The following PARP15 variants were observed in gnomAD, a reference collection of about 807,000 sequenced individuals.
PARP15 encodes protein mono-ADP-ribosyltransferase PARP15.
A neutral mutation model predicts 62.1 loss-of-function variants in PARP15; 50 were observed. The ratio of observed to expected loss-of-function variants is 0.81; its 90% CI spans 0.64 to 1.02. The LOEUF is 1.02. PARP15 is among the 50% of genes least tolerant of loss of function. The pLI is 0.00. For synonymous variants in PARP15, 309 were observed against 293.1 expected (o/e 1.05, Z -0.55); for missense variants, 820 against 826.5 (o/e 0.99, Z 0.10).
chr3:122,584,965 T>C (rs1379126561), intron 1 of PARP15, among the ~76,000 whole-genome samples: 2 of 152,300 alleles, frequency 1.3e-5, no homozygotes, highest in African/African-American at 4.8e-5. Context: ...ATCATGTTGG[T>C]TTTTTTCCTT....
rs748454748 is a variant in PARP15, at chr3:122,632,067, C to T, written c.1439-19C>T. The T allele has an allele frequency of 3.9e-5, 63 of 1,613,862 alleles. 1 individual carries two copies. In the South Asian group the frequency reaches 5.3e-4, roughly 14 times the overall value. On this transcript the variant is annotated intron_variant, in intron 9 of 11. Transcript: ENST00000464300. ...TTTGGAAATGAATGTTGTGTTTTGACCAAATGCTGACTTTCCAGGTAATCT... is the reference window on the plus strand; with the variant it reads ...TTTGGAAATGAATGTTGTGTTTTGATCAAATGCTGACTTTCCAGGTAATCT...
At position 122,626,987 on chromosome 3, in the gene PARP15, C is replaced by A; in HGVS notation, c.1392C>A (p.Asp464Glu). ...TCTACGACAGCATGAAAAAAAGAGACCTCTCTGCATCACTGAACTTTCAGT... is the reference window on the plus strand; with the variant it reads ...TCTACGACAGCATGAAAAAAAGAGAACTCTCTGCATCACTGAACTTTCAGT... ...NIFYDSMKKR[D>E]LSASLNFQST... The change falls in exon 9 of 12, where the codon GAC becomes GAA. Residue 464 changes from aspartate to glutamate, a missense_variant. Around this residue, in one of 3 missense-constraint regions of PARP15, gnomAD observed 731 missense variants for 727.7 expected, o/e 1.00. Coordinates refer to ENST00000464300, the MANE Select transcript of PARP15 (RefSeq NM_001113523.3). 6.2e-7 allele frequency: 1 copy of A among 1,613,950 alleles called. No homozygotes were observed. The highest frequency in any genetic ancestry group is 8.5e-7 in the Non-Finnish European group (1 of 1,179,944).
chr3:122,598,207 C>T (rs1345832600), intron 1 of PARP15, among the ~76,000 whole-genome samples: 1 of 152,186 alleles, frequency 6.6e-6, no homozygotes, highest in African/African-American at 2.4e-5. Context: ...TCAAGCCATC[C>T]TATATAAGCA....
At chr3:122,621,715 A>C in intron 8 of PARP15, 104 bp downstream of exon 8, 3 of 1,092,180 alleles carry the variant, frequency 2.7e-6, no homozygotes, top group Non-Finnish European at 3.7e-6. Flanking sequence ...GAAAGTGGGA[A>C]CAATGATGTA....
At chr3:122,614,473 A>T (rs1935804084) in intron 4 of PARP15, among the ~76,000 whole-genome samples, 1 of 152,212 alleles carries the variant, frequency 6.6e-6, no homozygotes, top group Non-Finnish European at 1.5e-5. Context: ...TTTGTAAGCA[A>T]ATTTATCCAT....
At chr3:122,605,376 A>G (rs1935091009) in intron 1 of PARP15, among the ~76,000 whole-genome samples, 1 of 152,194 alleles carries the variant, frequency 6.6e-6, no homozygotes, top group South Asian at 2.1e-4. Flanking sequence ...AGGGTTGGCT[A>G]TGCTAGGATT....
chr3:122,589,871 T>C (rs764106743), intron 1 of PARP15, among the ~76,000 whole-genome samples: 1 of 150,752 alleles, frequency 6.6e-6, no homozygotes, highest in Non-Finnish European at 1.5e-5. Context: ...ACAAAATGTA[T>C]TATTTGTAAG....
intron 1 of PARP15, among the ~76,000 whole-genome samples, chr3:122,592,851 C>A (rs1160047421): frequency 6.6e-6 from 1 of 152,038 alleles, no homozygotes; most frequent in African/African-American, 2.4e-5. Context: ...CCCAGGCAAC[C>A]CTTGCTTTTA....
In PARP15 at chr3:122,610,494, G is replaced by A; in HGVS notation, c.307G>A (p.Ala103Thr). 8 of 1,550,336 alleles carry A rather than the reference G, an allele frequency of 5.2e-6. No individual in the cohort carries two copies. Among genetic ancestry groups the A allele is most frequent in the Non-Finnish European group, 7.0e-6 (8 of 1,146,546 alleles). Residue 103 changes from alanine to threonine, a missense_variant and splice_region_variant, in exon 3 of 12, where the codon GCC (alanine) becomes ACC (threonine). Ala to Thr is a moderately conservative substitution (Grantham distance 58). Coordinates refer to ENST00000464300, the MANE Select transcript of PARP15 (RefSeq NM_001113523.3). ...TCTAACTGTTGCTATTTTCGTTAAGGCCGATGTCATTGTCAACAGCGTTCC... is the reference window on the plus strand; with the variant it reads ...TCTAACTGTTGCTATTTTCGTTAAGACCGATGTCATTGTCAACAGCGTTCC... ...LISGDVLYIW[A>T]DVIVNSVPMN...
chr3:122,626,329 G>T (rs891327773), intron 8 of PARP15, among the ~76,000 whole-genome samples: 1 of 151,766 alleles, frequency 6.6e-6, no homozygotes, highest in Non-Finnish European at 1.5e-5. Context: ...CTCCCGAGTA[G>T]CTGGGACTAC....
chr3:122,610,386 A>G (rs998864459), intron 2 of PARP15, 108 bp from the exon 3 acceptor site: 2 of 1,010,448 alleles, frequency 2.0e-6, no homozygotes, highest in Non-Finnish European at 2.9e-6. Flanking sequence ...TGTTAGTATG[A>G]CAGGCAAAAC....
chr3:122,583,888 T>C (rs1407791549), intron 1 of PARP15, among the ~76,000 whole-genome samples: 2 of 152,200 alleles, frequency 1.3e-5, no homozygotes, highest in Non-Finnish European at 2.9e-5. Flanking sequence ...GTACTCTGAC[T>C]TGTAATTTCT....
chr3:122,621,249 G>A, intron 7 of PARP15, 195 bp from the exon 8 acceptor site: 1 of 577,282 alleles, frequency 1.7e-6, no homozygotes, highest in East Asian at 3.0e-5. Context: ...ACTCAACAGT[G>A]TATTTGTTGA....
intron 8 of PARP15, 39 bp from the exon 9 acceptor site, chr3:122,626,788 A>G (rs189431878): frequency 6.3e-7 from 1 of 1,579,872 alleles, no homozygotes; most frequent in Non-Finnish European, 8.6e-7. Context: ...TATTAGCAAC[A>G]TCGGGGGAAA....
At chr3:122,615,717 A>G in intron 4 of PARP15, 62 bp from the exon 5 acceptor site, 2 of 1,606,068 alleles carry the variant, frequency 1.2e-6, no homozygotes, top group Non-Finnish European at 1.7e-6. Context: ...TCAATGCTCC[A>G]AAGAATTGGA....
intron 2 of PARP15, among the ~76,000 whole-genome samples, chr3:122,609,746 T>C (rs373270101): frequency 2.0e-5 from 3 of 151,378 alleles, no homozygotes; most frequent in South Asian, 2.1e-4. Flanking sequence ...AGAGTGTTTG[T>C]CTCCTCTTAC....
At chr3:122,592,986 T>A (rs1413793438) in intron 1 of PARP15, among the ~76,000 whole-genome samples, 1 of 152,204 alleles carries the variant, frequency 6.6e-6, no homozygotes, top group Non-Finnish European at 1.5e-5. Flanking sequence ...TTTTTGTAAA[T>A]CATTTTATCT....
At chr3:122,586,297 C>T (rs1357631575) in intron 1 of PARP15, among the ~76,000 whole-genome samples, 1 of 152,088 alleles carries the variant, frequency 6.6e-6, no homozygotes, top group East Asian at 1.9e-4. Context: ...ACCTGGAACT[C>T]CTGTGTTCAA....
chr3:122,616,454 C>T (rs140456946), intron 5 of PARP15, among the ~76,000 whole-genome samples: 4 of 151,786 alleles, frequency 2.6e-5, no homozygotes, highest in South Asian at 2.1e-4. Context: ...TTCAGTCTCC[C>T]GAGTAGCTGG....
Sources: allele counts gnomAD v4.1 joint callset (sites outside exome capture counted in the v4.1 genomes callset), GRCh38; gene constraint gnomAD v4.1.1; regional missense constraint gnomAD v4.1.1; transcripts MANE v1.5; gene names NCBI Gene and HGNC (gene_info 2026-07-23, HGNC 2026-07-21).